The following RAP1GAP2 variants were observed in gnomAD, a reference collection of about 807,000 sequenced individuals.
The protein encoded by RAP1GAP2 is RAP1 GTPase activating protein 2.
A neutral mutation model predicts 95.0 loss-of-function variants in RAP1GAP2; 27 were observed. The observed-to-expected ratio is 0.28, with a 90% CI of 0.21 to 0.39. The LOEUF (loss-of-function observed/expected upper bound fraction) is 0.39. RAP1GAP2 is among the 10% of genes least tolerant of loss of function. The pLI, the probability that RAP1GAP2 is intolerant of heterozygous loss-of-function variation, is 1.00. For synonymous variants in RAP1GAP2, 373 were observed against 380.9 expected (o/e 0.98, Z 0.24); for missense variants, 771 against 970.0 (o/e 0.79, Z 2.72).
chr17:2,761,082 G>GTGGC (rs2071237916), intron 1 of RAP1GAP2, among the ~76,000 whole-genome samples: 1 of 146,500 alleles, frequency 6.8e-6, no homozygotes, highest in South Asian at 2.2e-4. Flanking sequence ...AGCCTCCCGA[G>GTGGC]TAGCTGGGAT....
At position 2,987,137 on chromosome 17, in the gene RAP1GAP2, C is replaced by T. The variant is rs533351723; in HGVS notation, c.813+2071C>T. Among the ~76,000 whole-genome samples, 4 of 152,238 alleles carry T rather than the reference C, an allele frequency of 2.6e-5. No individual in the cohort carries two copies. The South Asian group carries it at 6.2e-4, about 24-fold the overall frequency. ...TGTCTGCGTTCCAATAAAACTTTAT[C>T]GATAAACACAGGCAGCAGGCCAGAC... On this transcript the variant is annotated intron_variant, in intron 11 of 24. Transcript: ENST00000254695.
intron 4 of RAP1GAP2, among the ~76,000 whole-genome samples, chr17:2,959,156 G>T (rs538183917): frequency 6.6e-6 from 1 of 152,184 alleles, no homozygotes; most frequent in African/African-American, 2.4e-5. Flanking sequence ...CCTTCTCTCC[G>T]GTTGCTCCTC....
intron 2 of RAP1GAP2, among the ~76,000 whole-genome samples, chr17:2,830,635 A>C (rs1003957541): frequency 1.3e-5 from 2 of 151,638 alleles, no homozygotes; most frequent in Non-Finnish European, 2.9e-5. Flanking sequence ...AATCGCTTGA[A>C]CCTGGGAGGC....
intron 3 of RAP1GAP2, among the ~76,000 whole-genome samples, chr17:2,938,479 G>A (rs956953542): frequency 1.3e-5 from 2 of 152,230 alleles, no homozygotes; most frequent in South Asian, 2.1e-4. Flanking sequence ...GAGACCCAGG[G>A]GATCCCTGGG....
chr17:2,853,380 CCTCT>C (rs1395967294), intron 2 of RAP1GAP2, among the ~76,000 whole-genome samples: 3 of 151,932 alleles, frequency 2.0e-5, no homozygotes, highest in Non-Finnish European at 4.4e-5. Flanking sequence ...GTTTTCTCTC[CCTCT>C]GTTTTAAAAG....
intron 3 of RAP1GAP2, among the ~76,000 whole-genome samples, chr17:2,932,584 C>CAAA (rs71153311): frequency 6.1e-4 from 32 of 52,288 alleles, no homozygotes; most frequent in Admixed American, 9.6e-4. Flanking sequence ...GACTCCATCT[C>CAAA]AAAAAAAAAA....
chr17:2,819,112 A>G (rs561838684), intron 2 of RAP1GAP2, among the ~76,000 whole-genome samples: 30 of 148,462 alleles, frequency 2.0e-4, no homozygotes, highest in Middle Eastern at 3.6e-3. Flanking sequence ...TCCGCCTCCC[A>G]GGTTCACGCC....
intron 2 of RAP1GAP2, among the ~76,000 whole-genome samples, chr17:2,874,567 A>G (rs2073003491): frequency 1.3e-5 from 2 of 152,156 alleles, no homozygotes; most frequent in African/African-American, 2.4e-5. Context: ...GAAAGGAGAA[A>G]GAGGTGGAAA....
chr17:2,872,598 G>T (rs1175231300), intron 2 of RAP1GAP2, among the ~76,000 whole-genome samples: 6 of 152,104 alleles, frequency 3.9e-5, no homozygotes, highest in African/African-American at 1.4e-4. Context: ...ATGCGCGAGG[G>T]CCTTTTCTTC....
intron 3 of RAP1GAP2, among the ~76,000 whole-genome samples, chr17:2,953,625 TCA>T (rs760234248): frequency 3.3e-5 from 5 of 152,168 alleles, no homozygotes; most frequent in Non-Finnish European, 5.9e-5. Flanking sequence ...GGTGGGCAGA[TCA>T]CCTGAGGTCA....
At chr17:2,908,718 T>TA (rs947923530) in intron 3 of RAP1GAP2, among the ~76,000 whole-genome samples, 9 of 151,634 alleles carry the variant, frequency 5.9e-5, no homozygotes, top group Admixed American at 1.3e-4. Context: ...TCTTTTAAAT[T>TA]AAAAAAAAAT....
At chr17:2,999,280 G>A (rs1424876950) in intron 14 of RAP1GAP2, among the ~76,000 whole-genome samples, 2 of 152,212 alleles carry the variant, frequency 1.3e-5, no homozygotes, top group Non-Finnish European at 2.9e-5. Context: ...GTATCACAGT[G>A]CTGTGGCGGG....
intron 2 of RAP1GAP2, among the ~76,000 whole-genome samples, chr17:2,898,421 C>G (rs1012915162): frequency 1.3e-5 from 2 of 152,242 alleles, no homozygotes; most frequent in African/African-American, 4.8e-5. Context: ...TTCCCTCCCC[C>G]ACACTCTGCC....
At chr17:2,939,677 C>T (rs530696625) in intron 3 of RAP1GAP2, among the ~76,000 whole-genome samples, 160 of 152,338 alleles carry the variant, frequency 1.1e-3, no homozygotes, top group Middle Eastern at 0.01. Flanking sequence ...GTGTTGAGAA[C>T]TCACTCAGGG....
At chr17:2,766,154 A>G (rs575202909) in intron 1 of RAP1GAP2, among the ~76,000 whole-genome samples, 9 of 152,088 alleles carry the variant, frequency 5.9e-5, no homozygotes, top group East Asian at 1.9e-4. Context: ...CAGCAACCCA[A>G]CCTCTTTTAG....
intron 2 of RAP1GAP2, among the ~76,000 whole-genome samples, chr17:2,823,294 T>TC (rs746329394): frequency 6.6e-5 from 10 of 151,848 alleles, no homozygotes; most frequent in South Asian, 2.1e-4. Context: ...GGTTTTGGTC[T>TC]CCCACCCCGG....
At chr17:2,860,706 C>T (rs770522352) in intron 2 of RAP1GAP2, among the ~76,000 whole-genome samples, 4 of 146,250 alleles carry the variant, frequency 2.7e-5, no homozygotes, top group East Asian at 2.0e-4. Context: ...TGGGTTCAAG[C>T]GATTCTCCTG....
chr17:2,985,578 G>T (rs2151549468), intron 11 of RAP1GAP2, among the ~76,000 whole-genome samples: 1 of 152,268 alleles, frequency 6.6e-6, no homozygotes, highest in South Asian at 2.1e-4. Flanking sequence ...GCAAACACCA[G>T]GGTTTCTATC....
chr17:2,927,375 G>T (rs150613551), intron 3 of RAP1GAP2, among the ~76,000 whole-genome samples: 21 of 151,586 alleles, frequency 1.4e-4, no homozygotes, highest in East Asian at 3.9e-4. Flanking sequence ...GGATGGTCTC[G>T]ATCTCCTGAC....
Sources: gnomAD v4.1 joint callset for allele counts (sites outside exome capture counted in the v4.1 genomes callset) on GRCh38, gnomAD v4.1.1 for gene constraint, MANE v1.5 for transcripts, NCBI Gene and HGNC (gene_info 2026-07-23, HGNC 2026-07-21) for gene names.